Variants in TMTC2 observed in about 807,000 individuals in gnomAD.
TMTC2 encodes protein O-mannosyl-transferase TMTC2.
Under a neutral mutation model 82.4 loss-of-function variants are expected in TMTC2, and 43 were observed. The ratio of observed to expected loss-of-function variants is 0.52; its 90% confidence interval spans 0.41 to 0.67. The LOEUF (loss-of-function observed/expected upper bound fraction) is 0.67. Ranked by LOEUF, TMTC2 falls within the 30% of genes least tolerant of loss-of-function variation. TMTC2 has a pLI of 0.00. For missense variants in TMTC2, 919 were observed against 1,012.4 expected, an observed-to-expected ratio of 0.91 and a Z score of 1.25; for synonymous variants, 408 against 381.9, an observed-to-expected ratio of 1.07 and a Z score of -0.80.
chr12:82,781,316 T>A (rs1877890653), intron 1 of TMTC2, among the ~76,000 whole-genome samples: 1 of 151,594 alleles, frequency 6.6e-6, no homozygotes, highest in Non-Finnish European at 1.5e-5. Flanking sequence ...GCTAGGAGAA[T>A]GGAAAAACCA....
intron 1 of TMTC2, among the ~76,000 whole-genome samples, chr12:82,761,884 T>TTCTTTCTC (rs141652120): frequency 0.95 from 142,178 of 149,986 alleles, 67,797 homozygotes; most frequent in East Asian, 1. Context: ...CTTTCTTTCT[T>TTCTTTCTC]TCTCTCTCTT....
chr12:82,687,242 A>G lies in TMTC2; in HGVS notation c.-345A>G, dbSNP rs1872353864. The G allele has an allele frequency of 8.5e-6, 3 of 351,912 alleles. No individual in the cohort carries two copies. The South Asian group carries it at 8.9e-5, about 10-fold the overall frequency. The allele number at this position is 351,912 out of a possible 1,614,324, so 21.8% of individuals were successfully genotyped here. On this transcript the variant is annotated 5_prime_UTR_variant, in exon 1 of 12. Transcript: ENST00000321196. Reference sequence around the variant, plus strand: ...CCCACTCCTCACCTAGGACGCCCCAAACTGCCATGGGTTAGGGTGGGGATC... The same window carrying G: ...CCCACTCCTCACCTAGGACGCCCCAGACTGCCATGGGTTAGGGTGGGGATC...
At position 82,687,458 on chromosome 12, in the gene TMTC2, G is replaced by A; in HGVS notation, c.-129G>A. 1 of 829,488 alleles carries A rather than the reference G, an allele frequency of 1.2e-6. No individual in the cohort carries two copies. Among genetic ancestry groups the A allele is most frequent in the Admixed American group, 2.2e-5 (1 of 46,318 alleles). The allele number at this position is 829,488 out of a possible 1,614,324, so 51.4% of individuals were successfully genotyped here. A position where few individuals can be genotyped will look rare whatever the true frequency, so the allele number is the denominator to read the frequency against. On this transcript the variant is annotated 5_prime_UTR_variant, in exon 1 of 12. Coordinates refer to ENST00000321196, the MANE Select transcript of TMTC2 (RefSeq NM_152588.3). ...GATTGGAAGGACCCGAGGGAGGGAG[G>A]GTGGGGAAGCGAGGGAAAAGTGAAG...
At chr12:82,960,542 C>A (rs1376382452) in intron 4 of TMTC2, among the ~76,000 whole-genome samples, 1 of 151,938 alleles carries the variant, frequency 6.6e-6, no homozygotes, top group Non-Finnish European at 1.5e-5. Context: ...CCAAATACTG[C>A]ATGTTTTCAC....
rs918557446 is a variant in TMTC2 at position 82,921,946 on chromosome 12, TAAA to T, written c.1484-8474_1484-8472del. On this transcript the variant is annotated intron_variant, in intron 3 of 11. Coordinates refer to ENST00000321196, the MANE Select transcript of TMTC2 (RefSeq NM_152588.3). Reference sequence around the variant, plus strand: ...GACCCACCTCTACAAAAATTAAAATTAAAAAAAAAAAAAGGCCAGTCATGGTGG... The same window carrying T: ...GACCCACCTCTACAAAAATTAAAATTAAAAAAAAAAGGCCAGTCATGGTGG... Among the ~76,000 whole-genome samples the T allele has an allele frequency of 7.4e-5, 10 of 135,538 alleles. No individual in the cohort carries two copies. In the East Asian group the frequency reaches 2.1e-3, roughly 29 times the overall value. The allele number at this position is 135,538 out of a possible 152,430, so 88.9% of individuals were successfully genotyped here.
chr12:82,919,144 C>G (rs188196148), intron 3 of TMTC2, among the ~76,000 whole-genome samples: 2 of 152,190 alleles, frequency 1.3e-5, no homozygotes, highest in Admixed American at 1.3e-4. Context: ...GTGCTGGCAT[C>G]TGGCAAGGGT....
At chr12:83,038,171 A>G (rs1484800641) in intron 9 of TMTC2, among the ~76,000 whole-genome samples, 2 of 150,720 alleles carry the variant, frequency 1.3e-5, no homozygotes, top group Non-Finnish European at 3.0e-5. Flanking sequence ...TAGCATTAGG[A>G]GATATACCTA....
At chr12:82,934,212 C>T (rs910710490) in intron 4 of TMTC2, among the ~76,000 whole-genome samples, 1 of 152,036 alleles carries the variant, frequency 6.6e-6, no homozygotes, top group Non-Finnish European at 1.5e-5. Flanking sequence ...TGTATCTGTG[C>T]AACACTTGTA....
At chr12:82,882,840 A>AAGGTCAGG (rs945715170) in intron 2 of TMTC2, among the ~76,000 whole-genome samples, 63 of 152,098 alleles carry the variant, frequency 4.1e-4, no homozygotes, top group African/African-American at 1.3e-3. Flanking sequence ...GGCAGATCAC[A>AAGGTCAGG]AGGTCAGGAG....
At chr12:82,931,978 A>G (rs1876057856) in intron 4 of TMTC2, among the ~76,000 whole-genome samples, 1 of 152,148 alleles carries the variant, frequency 6.6e-6, no homozygotes, top group African/African-American at 2.4e-5. Context: ...ACAGTTCTCT[A>G]TAGGAAGATG....
intron 11 of TMTC2, among the ~76,000 whole-genome samples, chr12:83,108,100 C>A (rs148960163): frequency 6.6e-6 from 1 of 152,052 alleles, no homozygotes; most frequent in Non-Finnish European, 1.5e-5. Flanking sequence ...CCTCCCCAGC[C>A]GTGCTTTTTA....
At chr12:83,105,572 TCCAC>T (rs1884365758) in intron 11 of TMTC2, among the ~76,000 whole-genome samples, 2 of 152,026 alleles carry the variant, frequency 1.3e-5, no homozygotes, top group African/African-American at 2.4e-5. Flanking sequence ...GGAGGTGCCA[TCCAC>T]TTAAACAAGC....
chr12:82,711,486 G>A (rs899343313), intron 1 of TMTC2, among the ~76,000 whole-genome samples: 1 of 151,884 alleles, frequency 6.6e-6, no homozygotes, highest in Non-Finnish European at 1.5e-5. Context: ...ACCAGGCATT[G>A]GGTTGAATTG....
At chr12:82,964,940 T>G (rs1592661645) in intron 4 of TMTC2, 84 bp from the exon 5 acceptor site, 1 of 842,318 alleles carries the variant, frequency 1.2e-6, no homozygotes, top group East Asian at 2.8e-5. Flanking sequence ...TAACCATTTT[T>G]ATTTTTGGAA....
intron 1 of TMTC2, among the ~76,000 whole-genome samples, chr12:82,778,824 A>G (rs12316521): frequency 0.25 from 29,022 of 118,448 alleles, 3,971 homozygotes; most frequent in African/African-American, 0.42. Context: ...ACTCCAGCCT[A>G]GGCGACAGAG....
rs551311284 is a variant in TMTC2, at chr12:82,694,680, T to C, written c.83+7011T>C. Among the ~76,000 whole-genome samples the C allele has an allele frequency of 1.4e-4, 21 of 152,242 alleles. No homozygotes were observed. In the South Asian group the frequency reaches 4.3e-3, roughly 32 times the overall value. ...CTTGGAATAGCAGCTGTGTGCTAGGTATTATCAAATAAAATGTTTCTGTGA... is the reference window on the plus strand; with the variant it reads ...CTTGGAATAGCAGCTGTGTGCTAGGCATTATCAAATAAAATGTTTCTGTGA... On this transcript the variant is annotated intron_variant, in intron 1 of 11. Transcript: ENST00000321196.
At chr12:82,896,684 C>A in intron 3 of TMTC2, 38 bp downstream of exon 3, 1 of 1,486,788 alleles carries the variant, frequency 6.7e-7, no homozygotes, top group Non-Finnish European at 9.1e-7. Flanking sequence ...GGATAGTTTA[C>A]ACTTTCAGCC....
chr12:82,826,560 G>C (rs911223359), intron 1 of TMTC2, among the ~76,000 whole-genome samples: 2 of 152,156 alleles, frequency 1.3e-5, no homozygotes, highest in African/African-American at 4.8e-5. Flanking sequence ...TCACATAAAA[G>C]GACTTGCAGA....
At chr12:82,815,309 A>AT (rs1296460255) in intron 1 of TMTC2, among the ~76,000 whole-genome samples, 12 of 146,900 alleles carry the variant, frequency 8.2e-5, no homozygotes, top group African/African-American at 2.8e-4. Context: ...TAATTAATTA[A>AT]TTATTTATTT....
Sources: gnomAD v4.1 joint callset for allele counts (sites outside exome capture counted in the v4.1 genomes callset) on GRCh38, gnomAD v4.1.1 for gene constraint, MANE v1.5 for transcripts, NCBI Gene and HGNC (gene_info 2026-07-23, HGNC 2026-07-21) for gene names.